SFMBT1: variants seen among roughly 807,000 people sequenced by gnomAD.
SFMBT1 encodes the protein Scm like with four mbt domains 1, also known as scm-like with four MBT domains protein 1.
In SFMBT1, 32 loss-of-function variants were observed where a neutral mutation model predicts 108.7. That is an observed-to-expected ratio of 0.29 (90% CI 0.22 to 0.40). SFMBT1 has a LOEUF of 0.40. SFMBT1 is among the 10% of genes least tolerant of loss of function. SFMBT1 has a pLI of 1.00. For missense variants in SFMBT1, 816 were observed against 1,059.6 expected (o/e 0.77, Z 3.19); for synonymous variants, 348 against 369.5 (o/e 0.94, Z 0.67).
chr3:52,920,143 G>A (rs113772077), intron 12 of SFMBT1, among the ~76,000 whole-genome samples: 4,154 of 152,286 alleles, frequency 0.027, 220 homozygotes, highest in African/African-American at 0.094. Context: ...AACTGTGAGA[G>A]ATAAATTTCT....
chr3:52,957,397 AC>A (rs1703816799), intron 2 of SFMBT1, among the ~76,000 whole-genome samples: 3 of 152,176 alleles, frequency 2.0e-5, no homozygotes, highest in African/African-American at 7.2e-5. Context: ...TGGTCATACT[AC>A]CCAAAGTAAT....
At chr3:52,920,164 A>C (rs1172421127) in intron 12 of SFMBT1, among the ~76,000 whole-genome samples, 1 of 152,208 alleles carries the variant, frequency 6.6e-6, no homozygotes, top group East Asian at 1.9e-4. Context: ...GTTATTTATA[A>C]ACTTCCCAGT....
In SFMBT1 at chr3:52,996,356, G is replaced by C. The variant is rs1384262072; in HGVS notation, c.-130-27098C>G. On this transcript the variant is annotated intron_variant, in intron 1 of 20. Transcript: ENST00000394752. Reference sequence around the variant, plus strand: ...ACCTGCCAAGTAGCTGGGACTACAGGCGCACGCCACCACACCCAGCTAATT... The same window carrying C: ...ACCTGCCAAGTAGCTGGGACTACAGCCGCACGCCACCACACCCAGCTAATT... Among the ~76,000 whole-genome samples, 6 of 148,398 alleles carry C rather than the reference G, an allele frequency of 4.0e-5. 1 individual carries two copies. The Admixed American group carries it at 4.1e-4, about 10-fold the overall frequency.
At chr3:52,964,301 A>C (rs556651800) in intron 2 of SFMBT1, among the ~76,000 whole-genome samples, 1 of 152,358 alleles carries the variant, frequency 6.6e-6, no homozygotes, top group African/African-American at 2.4e-5. Flanking sequence ...ACTTGAAGCC[A>C]GGAGTTTGAA....
chr3:53,005,424 C>A (rs1253382795), intron 1 of SFMBT1, among the ~76,000 whole-genome samples: 3 of 152,182 alleles, frequency 2.0e-5, no homozygotes, highest in Non-Finnish European at 4.4e-5. Context: ...ATCCTCCTAC[C>A]TTATCCTGCC....
At chr3:53,040,967 AATTTTTTTTTTTTTTTTTTT>A (rs1700026750) in intron 1 of SFMBT1, among the ~76,000 whole-genome samples, 1 of 72,834 alleles carries the variant, frequency 1.4e-5, no homozygotes, top group Non-Finnish European at 3.0e-5. Context: ...AAGACACCTG[AATTTTTTTTTTTTTTTTTTT>A]TTTTTTTTTT....
In SFMBT1 at chr3:52,905,004, A is replaced by T. The variant is rs1702029638; in HGVS notation, c.*132T>A. 6 of 1,261,636 alleles carry T rather than the reference A, an allele frequency of 4.8e-6. No individual in the cohort carries two copies. Among genetic ancestry groups the T allele is most frequent in the Non-Finnish European group, 1.1e-6 (1 of 933,714 alleles). The allele number at this position is 1,261,636 out of a possible 1,614,324, so 78.2% of individuals were successfully genotyped here. ...CCTCACTGTGAGTCCTCCTTCCCCG[A>T]AAGTGCAAAGAGAGCAAGCTGATAC... On this transcript the variant is annotated 3_prime_UTR_variant, in exon 21 of 21. Coordinates refer to ENST00000394752, the MANE Select transcript of SFMBT1 (RefSeq NM_016329.4).
At chr3:52,990,010 A>G (rs1705065892) in intron 1 of SFMBT1, among the ~76,000 whole-genome samples, 1 of 152,192 alleles carries the variant, frequency 6.6e-6, no homozygotes, top group African/African-American at 2.4e-5. Context: ...TTCCAGCACC[A>G]TCTACTAAAA....
At chr3:53,045,780 C>A (rs533749305) in intron 1 of SFMBT1, 36 bp downstream of exon 1, 62 of 150,692 alleles carry the variant, frequency 4.1e-4, no homozygotes, top group African/African-American at 1.5e-3. Context: ...CAGGCCGCCG[C>A]GCGGGAAGGC....
intron 1 of SFMBT1, among the ~76,000 whole-genome samples, chr3:52,974,828 A>AAAT (rs1559533255): frequency 1.5e-5 from 2 of 137,426 alleles, no homozygotes; most frequent in Non-Finnish European, 3.1e-5. Context: ...TGTCTCTATA[A>AAAT]AAAGTAAAAA....
At chr3:53,001,787 A>G (rs1698557489) in intron 1 of SFMBT1, among the ~76,000 whole-genome samples, 1 of 148,718 alleles carries the variant, frequency 6.7e-6, no homozygotes, top group African/African-American at 2.4e-5. Flanking sequence ...TTTGCCAGGC[A>G]TGGTGGCTCA....
intron 2 of SFMBT1, among the ~76,000 whole-genome samples, chr3:52,959,418 C>T (rs551245332): frequency 1.2e-4 from 18 of 152,126 alleles, no homozygotes; most frequent in Non-Finnish European, 1.9e-4. Context: ...CTACAAAGGC[C>T]GTACATGACC....
intron 1 of SFMBT1, among the ~76,000 whole-genome samples, chr3:53,009,480 G>C (rs1187947982): frequency 1.3e-5 from 2 of 152,134 alleles, no homozygotes; most frequent in Admixed American, 6.5e-5. Flanking sequence ...AACAACAAAA[G>C]TTGTTAATCT....
chr3:53,031,167 T>C (rs772178448), intron 1 of SFMBT1, among the ~76,000 whole-genome samples: 6 of 152,142 alleles, frequency 3.9e-5, no homozygotes, highest in Non-Finnish European at 8.8e-5. Flanking sequence ...TTGATTCCAT[T>C]AACAACAGTG....
rs1702093702 is a variant in SFMBT1 at position 52,907,448 on chromosome 3, T to C, written c.2085+107A>G. On this transcript the variant is annotated intron_variant, in intron 18 of 20. Transcript: ENST00000394752. The stretch of plus-strand genomic sequence containing the variant: ...TCTTGGGCCACAAAACCATCTTCTA[T>C]TGGCCAGAGATCTGAGTTAGAAAGA... 5 of 1,517,820 alleles carry C rather than the reference T, an allele frequency of 3.3e-6. No homozygotes were observed. The South Asian group carries it at 4.0e-5, about 12-fold the overall frequency. The allele number at this position is 1,517,820 out of a possible 1,614,324, so 94.0% of individuals were successfully genotyped here. A position where few individuals can be genotyped will look rare whatever the true frequency, so the allele number is the denominator to read the frequency against.
intron 2 of SFMBT1, among the ~76,000 whole-genome samples, chr3:52,957,375 A>G (rs1703816051): frequency 6.6e-6 from 1 of 152,210 alleles, no homozygotes; most frequent in Non-Finnish European, 1.5e-5. Flanking sequence ...AAGAATCAAA[A>G]TATCATGAAA....
intron 5 of SFMBT1, among the ~76,000 whole-genome samples, chr3:52,933,685 A>C (rs1042557843): frequency 1.2e-4 from 19 of 152,208 alleles, no homozygotes; most frequent in Non-Finnish European, 1.3e-4. Context: ...AATGAGTCAG[A>C]GTATAAAAAA....
At chr3:52,916,476 T>C (rs774817689) in intron 13 of SFMBT1, among the ~76,000 whole-genome samples, 3 of 151,292 alleles carry the variant, frequency 2.0e-5, no homozygotes, top group Non-Finnish European at 4.4e-5. Flanking sequence ...GAGACCATCC[T>C]GGCTAACACT....
intron 17 of SFMBT1, 104 bp downstream of exon 17, chr3:52,910,899 T>C (rs1401956181): frequency 1.6e-5 from 15 of 933,408 alleles, no homozygotes; most frequent in Non-Finnish European, 2.2e-5. Flanking sequence ...CAGAAGAAGT[T>C]CGTGTGCCTC....
Sources: allele counts gnomAD v4.1 joint callset (sites outside exome capture counted in the v4.1 genomes callset), GRCh38; gene constraint gnomAD v4.1.1; transcripts MANE v1.5; gene names NCBI Gene and HGNC (gene_info 2026-07-23, HGNC 2026-07-21).